The following LSM1 variants were observed in gnomAD, a reference collection of about 807,000 sequenced individuals.
LSM1 encodes the protein LSM1 homolog, mRNA degradation associated, also known as U6 snRNA-associated Sm-like protein LSm1.
Under a neutral mutation model 18.0 loss-of-function variants are expected in LSM1, and 13 were observed. The observed-to-expected ratio is 0.72, with a 90% CI of 0.47 to 1.15. LSM1 has a LOEUF of 1.15. Ranked by LOEUF, LSM1 falls within the 50% of genes most tolerant of loss-of-function variation. The probability of loss-of-function intolerance (pLI) is 0.00; values close to 1 mark genes in which losing one functional copy is unlikely to be tolerated. For missense variants in LSM1, 152 were observed against 157.7 expected (o/e 0.96, Z 0.19); for synonymous variants, 46 against 56.0 (o/e 0.82, Z 0.80).
At chr8:38,175,201 C>A (rs939356317) in intron 1 of LSM1, among the ~76,000 whole-genome samples, 3 of 151,354 alleles carry the variant, frequency 2.0e-5, no homozygotes, top group Non-Finnish European at 4.4e-5. Context: ...CCGCCTCAGC[C>A]TCCCGAGTAG....
At chr8:38,172,450 T>C (rs985083449) in intron 1 of LSM1, among the ~76,000 whole-genome samples, 4 of 151,960 alleles carry the variant, frequency 2.6e-5, no homozygotes, top group Admixed American at 2.0e-4. Context: ...GCCTCCTTAG[T>C]AGCTGGGACT....
chr8:38,171,625 C>T (rs780216953), intron 2 of LSM1, among the ~76,000 whole-genome samples: 4 of 152,162 alleles, frequency 2.6e-5, no homozygotes, highest in African/African-American at 4.8e-5. Context: ...CAAGATTGTG[C>T]CACTGCACTC....
rs553666176 is a variant in LSM1 at position 38,173,193 on chromosome 8, AAC to A, written c.47-1162_47-1161del. Among the ~76,000 whole-genome samples the A allele has an allele frequency of 5.3e-5, 8 of 152,326 alleles. No homozygotes were observed. The South Asian group carries it at 1.2e-3, about 24-fold the overall frequency. On this transcript the variant is annotated intron_variant, in intron 1 of 3. Coordinates refer to ENST00000311351, the MANE Select transcript of LSM1 (RefSeq NM_014462.3). ...CTTTCTAGATGCAGAACAGAGGAAA[AAC>A]ACAGTGACTCTGCCCTGAAGGAATT...
At position 38,163,407 on chromosome 8, in the gene LSM1, A is replaced by C. The variant is rs1276481764; in HGVS notation, c.*263T>G. ...CTGTAAACTCTAATTTGGGATATGAAGAACAATATAAAGAAGTAGTTGCTG... is the reference window on the plus strand; with the variant it reads ...CTGTAAACTCTAATTTGGGATATGACGAACAATATAAAGAAGTAGTTGCTG... On this transcript the variant is annotated 3_prime_UTR_variant, in exon 4 of 4. Coordinates refer to ENST00000311351, the MANE Select transcript of LSM1 (RefSeq NM_014462.3). 1 of 328,152 alleles carries C rather than the reference A, an allele frequency of 3.0e-6. No homozygotes were observed. The highest frequency in any genetic ancestry group is 5.6e-6 in the Non-Finnish European group (1 of 179,646). The allele number at this position is 328,152 out of a possible 1,614,324, so 20.3% of individuals were successfully genotyped here. A position where few individuals can be genotyped will look rare whatever the true frequency, so the allele number is the denominator to read the frequency against.
At chr8:38,165,496 A>G (rs1364745220) in intron 3 of LSM1, among the ~76,000 whole-genome samples, 1 of 152,062 alleles carries the variant, frequency 6.6e-6, no homozygotes, top group Non-Finnish European at 1.5e-5. Context: ...ACATTTTGAT[A>G]ATATCCCTAC....
intron 1 of LSM1, among the ~76,000 whole-genome samples, chr8:38,173,415 A>T (rs1803064444): frequency 6.6e-6 from 1 of 152,084 alleles, no homozygotes; most frequent in Admixed American, 6.5e-5. Context: ...AAGAGGAGGA[A>T]AAAAGGGCTA....
chr8:38,167,098 G>A (rs1173969594), intron 3 of LSM1, among the ~76,000 whole-genome samples: 1 of 152,098 alleles, frequency 6.6e-6, no homozygotes, highest in African/African-American at 2.4e-5. Context: ...AGGCATTCCT[G>A]GAACCAAGTT....
At chr8:38,167,766 G>A (rs189141135) in intron 3 of LSM1, among the ~76,000 whole-genome samples, 43 of 152,222 alleles carry the variant, frequency 2.8e-4, no homozygotes, top group Non-Finnish European at 1.3e-4. Flanking sequence ...TATACTGGCA[G>A]TATCAAGCAC....
chr8:38,170,005 A>AT (rs1802997627), intron 2 of LSM1, 88 bp from the exon 3 acceptor site: 1 of 638,958 alleles, frequency 1.6e-6, no homozygotes, highest in Admixed American at 2.7e-5. Context: ...TTTTGAAAAG[A>AT]TTTAGGTAAA....
rs1209107660 is a variant in LSM1 at position 38,174,733 on chromosome 8, G to A, written c.46+1542C>T. On this transcript the variant is annotated intron_variant, in intron 1 of 3. Coordinates refer to ENST00000311351, the MANE Select transcript of LSM1 (RefSeq NM_014462.3). ...ATAAGTAATTTGTGTTTAAAAAAAT[G>A]ATCTGTCGGCCGGAGGCGGTGGCTC... Among the ~76,000 whole-genome samples, 4 of 152,166 alleles carry A rather than the reference G, an allele frequency of 2.6e-5. No homozygotes were observed. In the East Asian group the frequency reaches 7.8e-4, roughly 30 times the overall value.
intron 2 of LSM1, chr8:38,171,093 T>C (rs894024152): frequency 1.6e-4 from 58 of 368,474 alleles, no homozygotes; most frequent in Non-Finnish European, 2.8e-4. Context: ...CTTATTCCAA[T>C]GTATCCCTAT....
intron 3 of LSM1, among the ~76,000 whole-genome samples, chr8:38,168,111 G>A (rs1337479710): frequency 1.3e-5 from 2 of 151,598 alleles, no homozygotes; most frequent in East Asian, 2.0e-4. Flanking sequence ...ACAGGCGCCC[G>A]CCACCACACC....
chr8:38,170,022 T>C (rs1302333643), intron 2 of LSM1, 105 bp from the exon 3 acceptor site: 3 of 587,272 alleles, frequency 5.1e-6, no homozygotes, highest in Non-Finnish European at 9.2e-6. Flanking sequence ...TAAACATGAT[T>C]TCCAAGCTTT....
At position 38,168,123 on chromosome 8, in the gene LSM1, G is replaced by A. The variant is rs186128388; in HGVS notation, c.231+1679C>T. Among the ~76,000 whole-genome samples the A allele has an allele frequency of 2.1e-3, 324 of 151,458 alleles. 3 individuals are homozygous for A. Among genetic ancestry groups the A allele is most frequent in the Non-Finnish European group, 3.1e-3 (211 of 67,824 alleles). On this transcript the variant is annotated intron_variant, in intron 3 of 3. Transcript: ENST00000311351. ...ACTACAGGCGCCCGCCACCACACCCGGCTAACTTTTTTGTATTTTAATAGG... is the reference window on the plus strand; with the variant it reads ...ACTACAGGCGCCCGCCACCACACCCAGCTAACTTTTTTGTATTTTAATAGG...
rs1318851697 is a variant in LSM1, at chr8:38,168,021, G to C, written c.231+1781C>G. 2.6e-5 allele frequency among the ~76,000 whole-genome samples: 4 copies of C among 151,458 alleles called. No homozygotes were observed. The East Asian group carries it at 5.9e-4, about 22-fold the overall frequency. On this transcript the variant is annotated intron_variant, in intron 3 of 3. Transcript: ENST00000311351. ...CTGTCGCCCAGGCTGGAGTGCACTG[G>C]CACGATCTCGACTCACTGCAAGCTC... is the stretch of plus-strand genomic sequence containing the variant.
downstream of LSM1, chr8:38,163,323 G>A (rs1802871935): frequency 5.3e-6 from 1 of 188,762 alleles, no homozygotes; most frequent in African/African-American, 2.4e-5. Flanking sequence ...ACTCAAACTT[G>A]GAAATAACAT....
intron 2 of LSM1, among the ~76,000 whole-genome samples, 167 bp downstream of exon 2, chr8:38,171,798 C>G (rs187098446): frequency 1.9e-3 from 284 of 152,322 alleles, no homozygotes; most frequent in Non-Finnish European, 3.0e-3. Context: ...AGCTTTGAAC[C>G]ACCTAATCTG....
At chr8:38,163,894 C>T (rs1585636359) in intron 3 of LSM1, 54 bp from the exon 4 acceptor site, 1 of 1,521,834 alleles carries the variant, frequency 6.6e-7, no homozygotes, top group African/African-American at 1.4e-5. Flanking sequence ...ATAGAAAGCA[C>T]AGATCTCAAG....
Position 38,176,463 on chromosome 8 carries a change from CGCCGGGG to C in LSM1, c.-150_-144del. 1 of 662,366 alleles carries C rather than the reference CGCCGGGG, an allele frequency of 1.5e-6. No individual in the cohort carries two copies. 41.0% of individuals were successfully genotyped at this position (662,366 alleles called of 1,614,324 possible). A position where few individuals can be genotyped will look rare whatever the true frequency, so the allele number is the denominator to read the frequency against. On this transcript the variant is annotated 5_prime_UTR_variant, in exon 1 of 4. The change abolishes the stop of an existing upstream ORF in the 5' untranslated region. Coordinates refer to ENST00000311351, the MANE Select transcript of LSM1 (RefSeq NM_014462.3). ...CAGCACTTCTGCCCCGGCTTTCAGCCGCCGGGGGCTGCCGGAAGCTCCTCCATATTAC... is the reference window on the plus strand; with the variant it reads ...CAGCACTTCTGCCCCGGCTTTCAGCCGCTGCCGGAAGCTCCTCCATATTAC...
Sources: allele counts gnomAD v4.1 joint callset (sites outside exome capture counted in the v4.1 genomes callset), GRCh38; gene constraint gnomAD v4.1.1; transcripts MANE v1.5; gene names NCBI Gene and HGNC (gene_info 2026-07-23, HGNC 2026-07-21).